The following PDE8B variants were observed in gnomAD, a reference collection of about 807,000 sequenced individuals.
The protein encoded by PDE8B is high affinity cAMP-specific and IBMX-insensitive 3',5'-cyclic phosphodiesterase 8B.
A neutral mutation model predicts 101.3 loss-of-function variants in PDE8B; 26 were observed. The ratio of observed to expected loss-of-function variants is 0.26; its 90% confidence interval spans 0.19 to 0.36. The LOEUF (loss-of-function observed/expected upper bound fraction) is 0.36. PDE8B is among the 10% of genes least tolerant of loss of function. PDE8B has a pLI of 1.00. For synonymous variants in PDE8B, 424 were observed against 429.3 expected, an observed-to-expected ratio of 0.99 and a Z score of 0.15; for missense variants, 810 against 1,163.1, an observed-to-expected ratio of 0.70 and a Z score of 4.42.
At chr5:77,327,390 G>A (rs2150250550) in intron 3 of PDE8B, among the ~76,000 whole-genome samples, 1 of 152,276 alleles carries the variant, frequency 6.6e-6, no homozygotes, top group Admixed American at 6.5e-5. Flanking sequence ...AAAGATGGAA[G>A]CCAGTCCCAA....
chr5:77,425,310 C>T (rs1181457104), intron 20 of PDE8B, among the ~76,000 whole-genome samples: 1 of 152,144 alleles, frequency 6.6e-6, no homozygotes, highest in Non-Finnish European at 1.5e-5. Context: ...CCTATAATCC[C>T]AGCACTTTGG....
At chr5:77,400,219 TG>T (rs1289493488) in intron 10 of PDE8B, 28 bp from the exon 11 acceptor site, 1 of 1,519,634 alleles carries the variant, frequency 6.6e-7, no homozygotes, top group South Asian at 1.1e-5. Context: ...ATCTTTCTCT[TG>T]TTTTATCAAA....
the PDE8B span, chr5:77,111,898 A>G: frequency 2.6e-5 from 4 of 151,942 alleles, no homozygotes; most frequent in African/African-American, 9.7e-5. Flanking sequence ...CTTTTCTCCC[A>G]CCCAGCTAAA....
At chr5:77,203,055 CA>C in the PDE8B span, among the ~76,000 whole-genome samples, 1 of 152,306 alleles carries the variant, frequency 6.6e-6, no homozygotes, top group East Asian at 1.9e-4. Context: ...AGAATTTAGC[CA>C]AACTGCTTAG....
intron 10 of PDE8B, among the ~76,000 whole-genome samples, chr5:77,388,913 C>A (rs1789310203): frequency 1.3e-5 from 2 of 152,110 alleles, no homozygotes; most frequent in Admixed American, 6.6e-5. Context: ...ATGGCAGATA[C>A]CCCTCCCCAC....
intron 1 of PDE8B, among the ~76,000 whole-genome samples, chr5:77,241,093 T>A (rs897201862): frequency 6.6e-6 from 1 of 151,976 alleles, no homozygotes; most frequent in Admixed American, 6.5e-5. Flanking sequence ...ATGAAAAGAG[T>A]TCTTTTTCTA....
intron 1 of PDE8B, among the ~76,000 whole-genome samples, chr5:77,247,717 G>C (rs1757255009): frequency 6.6e-6 from 1 of 152,094 alleles, no homozygotes; most frequent in Admixed American, 6.5e-5. Context: ...CTGTATCTAG[G>C]GCTAAATGTG....
chr5:77,407,218 T>C (rs1051027119), intron 12 of PDE8B, among the ~76,000 whole-genome samples, 163 bp from the exon 13 acceptor site: 3 of 152,204 alleles, frequency 2.0e-5, no homozygotes, highest in Non-Finnish European at 4.4e-5. Flanking sequence ...CAAGTAGCAG[T>C]TGGGCTACCA....
At chr5:77,330,187 T>G (rs964196714) in intron 4 of PDE8B, among the ~76,000 whole-genome samples, 1 of 152,172 alleles carries the variant, frequency 6.6e-6, no homozygotes, top group African/African-American at 2.4e-5. Flanking sequence ...CACTCTGAGA[T>G]CTGAATGAGG....
At chr5:77,235,965 G>C (rs1308321355) in intron 1 of PDE8B, among the ~76,000 whole-genome samples, 1 of 152,126 alleles carries the variant, frequency 6.6e-6, no homozygotes, top group East Asian at 1.9e-4. Context: ...AGATAGATTA[G>C]GTAATTTATT....
chr5:77,233,279 T>C (rs1753952572), intron 1 of PDE8B, among the ~76,000 whole-genome samples: 1 of 152,050 alleles, frequency 6.6e-6, no homozygotes, highest in African/African-American at 2.4e-5. Context: ...AGCCCTACCA[T>C]TGATGAAGGC....
the PDE8B span, among the ~76,000 whole-genome samples, chr5:77,191,973 G>A: frequency 8.5e-5 from 13 of 152,256 alleles, no homozygotes; most frequent in South Asian, 4.1e-4. Flanking sequence ...ACCTAGATCC[G>A]TTGCATACGC....
At chr5:77,181,974 T>C in the PDE8B span, among the ~76,000 whole-genome samples, 1 of 152,080 alleles carries the variant, frequency 6.6e-6, no homozygotes, top group African/African-American at 2.4e-5. Flanking sequence ...TATTTTAACT[T>C]TGTAGAGGTT....
chr5:77,305,833 G>T (rs189752770), intron 1 of PDE8B, among the ~76,000 whole-genome samples: 42 of 152,328 alleles, frequency 2.8e-4, no homozygotes, highest in African/African-American at 9.6e-4. Context: ...GCCTATTTCT[G>T]TGCCCACAGC....
At chr5:77,216,682 A>G (rs1463539560) in intron 1 of PDE8B, among the ~76,000 whole-genome samples, 2 of 152,216 alleles carry the variant, frequency 1.3e-5, no homozygotes, top group Non-Finnish European at 2.9e-5. Flanking sequence ...CCTGTAAGTC[A>G]GGGAAACCCT....
chr5:77,397,421 C>T (rs1427512227), intron 10 of PDE8B, among the ~76,000 whole-genome samples: 2 of 152,044 alleles, frequency 1.3e-5, no homozygotes, highest in African/African-American at 4.8e-5. Context: ...TATATATAGA[C>T]ATACACACAA....
the PDE8B span, chr5:77,111,920 C>T: frequency 6.6e-6 from 1 of 152,092 alleles, no homozygotes; most frequent in Admixed American, 6.6e-5. Flanking sequence ...CCTACTCATC[C>T]TTCGAGACTC....
upstream of PDE8B, among the ~76,000 whole-genome samples, chr5:77,208,885 C>A (rs1747731447): frequency 1.3e-5 from 2 of 152,186 alleles, 1 homozygote; most frequent in African/African-American, 4.8e-5. Flanking sequence ...CAACTCAGAA[C>A]AACTCTGAAG....
At chr5:77,149,295 G>A in the PDE8B span, among the ~76,000 whole-genome samples, 1 of 152,134 alleles carries the variant, frequency 6.6e-6, no homozygotes, top group Non-Finnish European at 1.5e-5. Context: ...TTTGAAATTG[G>A]GTGATAGAAG....
Sources: gnomAD v4.1 joint callset for allele counts (sites outside exome capture counted in the v4.1 genomes callset) on GRCh38, gnomAD v4.1.1 for gene constraint, MANE v1.5 for transcripts, NCBI Gene and HGNC (gene_info 2026-07-23, HGNC 2026-07-21) for gene names.